Variants in CCND3 observed in about 807,000 individuals in gnomAD.
CCND3 encodes the protein G1/S-specific cyclin-D3.
Under a neutral mutation model 28.7 loss-of-function variants are expected in CCND3, and 9 were observed. The ratio of observed to expected loss-of-function variants is 0.31; its 90% CI spans 0.19 to 0.55. CCND3 has a LOEUF of 0.55. CCND3 is among the 20% of genes least tolerant of loss of function. The pLI is 0.93. For missense variants in CCND3, 315 were observed against 385.8 expected, an observed-to-expected ratio of 0.82 and a Z score of 1.54; for synonymous variants, 164 against 163.9, an observed-to-expected ratio of 1.00 and a Z score of 0.00.
intron 1 of CCND3, among the ~76,000 whole-genome samples, chr6:41,964,986 T>C (rs1205849957): frequency 2.6e-5 from 4 of 151,032 alleles, no homozygotes; most frequent in East Asian, 3.9e-4. Flanking sequence ...TCATGGAAGG[T>C]GTTTCTATTT....
intron 1 of CCND3, among the ~76,000 whole-genome samples, chr6:41,988,630 G>C (rs1762553935): frequency 6.6e-6 from 1 of 151,932 alleles, no homozygotes; most frequent in Non-Finnish European, 1.5e-5. Context: ...CCTCATGGGG[G>C]ATGGCTTTTT....
intron 1 of CCND3, among the ~76,000 whole-genome samples, chr6:41,969,384 C>T (rs186759518): frequency 7.9e-5 from 12 of 151,464 alleles, no homozygotes; most frequent in South Asian, 2.1e-4. Context: ...GGCATAGTGG[C>T]GCACGCCTGT....
intron 1 of CCND3, among the ~76,000 whole-genome samples, chr6:42,016,591 TA>T (rs1561988565): frequency 2.2e-5 from 1 of 45,544 alleles, no homozygotes; most frequent in Non-Finnish European, 5.0e-5. Flanking sequence ...TACTATCTAT[TA>T]CTTTTTTTTT....
intron 1 of CCND3, among the ~76,000 whole-genome samples, chr6:42,033,519 T>G (rs753510655): frequency 1.1e-4 from 16 of 151,448 alleles, no homozygotes; most frequent in Non-Finnish European, 2.4e-4. Flanking sequence ...CACATAGATG[T>G]GTGTTTGTAT....
intron 1 of CCND3, among the ~76,000 whole-genome samples, chr6:41,949,929 C>A (rs562879650): frequency 1.2e-3 from 181 of 147,120 alleles, no homozygotes; most frequent in African/African-American, 4.6e-3. Flanking sequence ...CCTGTCTTTA[C>A]TAAAAATATC....
intron 1 of CCND3, among the ~76,000 whole-genome samples, chr6:42,034,469 T>C (rs1011921094): frequency 2.5e-5 from 1 of 40,092 alleles, no homozygotes; most frequent in Non-Finnish European, 4.8e-5. Flanking sequence ...CCTGTCACTC[T>C]TTTTTTTTTT....
chr6:42,045,040 G>A (rs1331911632), intron 1 of CCND3, among the ~76,000 whole-genome samples: 1 of 148,066 alleles, frequency 6.8e-6, no homozygotes, highest in Non-Finnish European at 1.5e-5. Context: ...TGCTGACCTC[G>A]TGATCCGCCC....
At chr6:41,957,142 G>A (rs1484570760) in intron 1 of CCND3, among the ~76,000 whole-genome samples, 2 of 152,182 alleles carry the variant, frequency 1.3e-5, no homozygotes, top group African/African-American at 2.4e-5. Context: ...CAAATCCTCC[G>A]TTGAAAGGCT....
intron 1 of CCND3, among the ~76,000 whole-genome samples, chr6:42,018,156 A>AT: frequency 6.6e-6 from 1 of 151,930 alleles, no homozygotes; most frequent in Non-Finnish European, 1.5e-5. Flanking sequence ...CTCTAAATAA[A>AT]TAATAAATAA....
chr6:41,986,295 T>C (rs1295800913), intron 1 of CCND3, among the ~76,000 whole-genome samples: 4 of 149,060 alleles, frequency 2.7e-5, no homozygotes, highest in Admixed American at 6.6e-5. Context: ...TTCAGGATTG[T>C]TTTTTCTATT....
In CCND3 at chr6:42,039,918, C is replaced by CG. The variant is rs1430729674; in HGVS notation, c.-46+8582dup. On this transcript the variant is annotated intron_variant, in intron 1 of 4. Coordinates refer to the CCND3 transcript ENST00000372988. ...GGATCCAGGATGCTCTGGGCTTGCC[C>CG]GGGGGGATTCGTGTCAACACCATCA... Among the ~76,000 whole-genome samples, 5 of 152,302 alleles carry CG rather than the reference C, an allele frequency of 3.3e-5. No homozygotes were observed. The South Asian group carries it at 1.0e-3, about 32-fold the overall frequency.
intron 1 of CCND3, among the ~76,000 whole-genome samples, chr6:42,040,639 G>T (rs369395412): frequency 6.9e-4 from 105 of 152,072 alleles, no homozygotes; most frequent in African/African-American, 2.3e-3. Flanking sequence ...GGATCACAAG[G>T]TCAGGAGTTC....
intron 1 of CCND3, among the ~76,000 whole-genome samples, chr6:42,037,048 C>T (rs1198952189): frequency 2.6e-5 from 4 of 152,120 alleles, no homozygotes; most frequent in Non-Finnish European, 4.4e-5. Context: ...ACGCCATTCT[C>T]CTGCCTCAGC....
At chr6:42,025,632 T>G (rs1212596763) in intron 1 of CCND3, among the ~76,000 whole-genome samples, 1 of 152,196 alleles carries the variant, frequency 6.6e-6, no homozygotes, top group Non-Finnish European at 1.5e-5. Flanking sequence ...TGGCCCATCC[T>G]GCACCCCGGC....
intron 1 of CCND3, among the ~76,000 whole-genome samples, chr6:42,044,499 C>G (rs57212063): frequency 6.6e-6 from 1 of 152,146 alleles, no homozygotes; most frequent in South Asian, 2.1e-4. Context: ...GGTTTACAGG[C>G]GAAGGGGCTT....
chr6:42,000,092 A>G (rs4714538), intron 1 of CCND3, among the ~76,000 whole-genome samples: 148,588 of 151,652 alleles, frequency 0.98, 72,862 homozygotes, highest in East Asian at 1. Flanking sequence ...ATTCTTTTCA[A>G]GGTACAAATT....
intron 1 of CCND3, among the ~76,000 whole-genome samples, chr6:42,040,328 G>C (rs1290210586): frequency 6.6e-6 from 1 of 152,122 alleles, no homozygotes; most frequent in African/African-American, 2.4e-5. Flanking sequence ...TGAGGTAGGA[G>C]AATCACTTGA....
At position 42,011,824 on chromosome 6, in the gene CCND3, G is replaced by A. The variant is rs144487118; in HGVS notation, c.-46+36677C>T. Among the ~76,000 whole-genome samples the A allele has an allele frequency of 3.6e-4, 55 of 152,240 alleles. 1 individual carries two copies. Among genetic ancestry groups the A allele is most frequent in the African/African-American group, 1.2e-3 (49 of 41,552 alleles). The stretch of plus-strand genomic sequence containing the variant: ...GAGGCCACCGACGACAGCGCTCACC[G>A]GTGCTGAGCTCCCTTCTACAGAAAC... On this transcript the variant is annotated intron_variant, in intron 1 of 4. Transcript: ENST00000372988.
At chr6:41,959,679 T>TCCGTATCAAAAAAAAAAAAAAA (rs772818142) in intron 1 of CCND3, among the ~76,000 whole-genome samples, 2 of 147,120 alleles carry the variant, frequency 1.4e-5, no homozygotes, top group South Asian at 2.2e-4. Context: ...ACAGCAAGAC[T>TCCGTATCAAAAAAAAAAAAAAA]AAATCAGGCC....
Sources: gnomAD v4.1 joint callset for allele counts (sites outside exome capture counted in the v4.1 genomes callset) on GRCh38, gnomAD v4.1.1 for gene constraint, MANE v1.5 for transcripts, NCBI Gene and HGNC (gene_info 2026-07-23, HGNC 2026-07-21) for gene names.